Variants in KRT10 observed in about 807,000 individuals in gnomAD.
KRT10 encodes keratin 10, also known as keratin, type I cytoskeletal 10.
Under a neutral mutation model 59.2 loss-of-function variants are expected in KRT10, and 40 were observed. That is an observed-to-expected ratio of 0.68 (90% CI 0.52 to 0.88). KRT10 has a LOEUF of 0.88. Among genes scored for constraint, KRT10 ranks in the 40% least tolerant of loss-of-function variants. The pLI is 0.00. For missense variants in KRT10, 719 were observed against 749.1 expected, an observed-to-expected ratio of 0.96 and a Z score of 0.47; for synonymous variants, 336 against 310.7, an observed-to-expected ratio of 1.08 and a Z score of -0.86.
chr17:40,819,873 C>T (rs749888497), intron 5 of KRT10, 139 bp from the exon 6 acceptor site: 159 of 1,091,808 alleles, frequency 1.5e-4, no homozygotes, highest in Admixed American at 1.2e-3. Context: ...GGCACCATTT[C>T]AGTTTCAGCA....
chr17:40,818,910 TAGCCGCCGCC>T lies in KRT10; in HGVS notation c.1615_1624del (p.Gly539ThrfsTer77). 1 of 1,231,982 alleles carries T rather than the reference TAGCCGCCGCC, an allele frequency of 8.1e-7. No individual in the cohort carries two copies. Among genetic ancestry groups the T allele is most frequent in the Non-Finnish European group, 1.0e-6 (1 of 981,756 alleles). The allele number at this position is 1,231,982 out of a possible 1,614,324, so 76.3% of individuals were successfully genotyped here. A position where few individuals can be genotyped will look rare whatever the true frequency, so the allele number is the denominator to read the frequency against. On this transcript the variant is annotated frameshift_variant, in exon 7 of 8. Transcript: ENST00000269576. LOFTEE classifies it high-confidence loss of function. ...GCCGCCGCCGGAGCTGCCGCCCCCG[TAGCCGCCGCC>T]GCCGCCGCCGGAACTGCCACCACCG...
chr17:40,820,232 T>C, intron 4 of KRT10, 30 bp downstream of exon 4: 3 of 1,613,812 alleles, frequency 1.9e-6, no homozygotes, highest in Non-Finnish European at 2.5e-6. Context: ...AAAACCTCCA[T>C]GAGTTTCACT....
rs766282533 is a variant in KRT10, at chr17:40,818,891, G to A, written c.1644C>T (p.Gly548=). 2.7e-6 allele frequency: 4 copies of A among 1,486,088 alleles called. No individual in the cohort carries two copies. The highest frequency in any genetic ancestry group is 5.5e-5 in the East Asian group (2 of 36,416). 92.1% of individuals were successfully genotyped at this position (1,486,088 alleles called of 1,614,324 possible). ...GGGGYGGGSS[G]GGSSSGGGYG... ...ATCCGCCGCCGGAGCTGCTGCCGCC[G>A]CCGGAGCTGCCGCCCCCGTAGCCGC... The change falls in exon 7 of 8, where the codon GGC becomes GGT. Residue 548 remains glycine, a synonymous_variant. Coordinates refer to ENST00000269576, the MANE Select transcript of KRT10 (RefSeq NM_000421.5).
Position 40,819,611 on chromosome 17 carries a change from A to C in KRT10, c.1279T>G (p.Cys427Gly), listed in dbSNP as rs746054540. Reference sequence around the variant, plus strand: ...AGTTGTTGGTATTCAGTATTCTGGCACTCGGTTTCAGCTCGAATCTGTTGC... The same window carrying C: ...AGTTGTTGGTATTCAGTATTCTGGCCCTCGGTTTCAGCTCGAATCTGTTGC... ...QLQQIRAETE[C>G]QNTEYQQLLD... The change falls in exon 6 of 8, where the codon TGC (cysteine) becomes GGC (glycine). Residue 427 changes from cysteine (C) to glycine (G), a missense_variant. Transcript: ENST00000269576. 64 of 1,614,036 alleles carry C rather than the reference A, an allele frequency of 4.0e-5. 1 individual carries two copies. In the South Asian group the frequency reaches 6.7e-4, roughly 17 times the overall value.
rs1905435357 is a variant in KRT10 at position 40,822,166 on chromosome 17, G to A, written c.420C>T (p.Gly140=). 3 of 1,613,678 alleles carry A rather than the reference G, an allele frequency of 1.9e-6. No homozygotes were observed. Among genetic ancestry groups the A allele is most frequent in the South Asian group, 2.2e-5 (2 of 91,058 alleles). The change falls in exon 1 of 8, where the codon GGC becomes GGT. Residue 140 remains glycine, a synonymous_variant. Coordinates refer to ENST00000269576, the MANE Select transcript of KRT10 (RefSeq NM_000421.5). ...GFGGGFGGDG[G]LLSGNEKVTM... ...TTACTTTTTCATTTCCAGAGAGAAG[G>A]CCACCATCTCCTCCAAATCCACCAC...
chr17:40,818,401 G>C lies in KRT10; in HGVS notation c.*75C>G, dbSNP rs1905145523. The C allele has an allele frequency of 6.2e-7, 1 of 1,605,894 alleles. No homozygotes were observed. The highest frequency in any genetic ancestry group is 1.3e-5 in the African/African-American group (1 of 74,754). ...TTAATAGTAGTGTTTCTTGGTTTCT[G>C]ATTCAACCATAGATGAAAGAACTCT... On this transcript the variant is annotated 3_prime_UTR_variant, in exon 8 of 8. Coordinates refer to ENST00000269576, the MANE Select transcript of KRT10 (RefSeq NM_000421.5).
rs1387953169 is a variant in KRT10, at chr17:40,818,817, G to A, written c.1718C>T (p.Ser573Phe). 1 of 1,437,936 alleles carries A rather than the reference G, an allele frequency of 7.0e-7. No individual in the cohort carries two copies. The highest frequency in any genetic ancestry group is 1.8e-5 in the African/African-American group (1 of 55,616). The allele number at this position is 1,437,936 out of a possible 1,614,324, so 89.1% of individuals were successfully genotyped here. Residue 573 changes from serine to phenylalanine, a missense_variant, in exon 7 of 8, where the codon TCC becomes TTC. Coordinates refer to ENST00000269576, the MANE Select transcript of KRT10 (RefSeq NM_000421.5). The stretch of plus-strand genomic sequence containing the variant: ...TCCCTTAGATGAAGACTCGCCCACG[G>A]ACCCGGAAGAGGAGGACTTGTGGCC... ...SGGHKSSSSG[S>F]VGESSSKGPR...
intron 6 of KRT10, 39 bp from the exon 7 acceptor site, chr17:40,819,200 T>TTC: frequency 1.3e-6 from 2 of 1,594,688 alleles, no homozygotes; most frequent in Non-Finnish European, 8.5e-7. Flanking sequence ...TCTCTAACGT[T>TTC]GGAAAACGGT....
Position 40,819,107 on chromosome 17 carries a change from T to TCCGCCGCCGTAG in KRT10, c.1416_1427dup (p.Tyr473_Gly476dup), listed in dbSNP as rs746128596. On this transcript the variant is annotated inframe_insertion, in exon 7 of 8. Coordinates refer to ENST00000269576, the MANE Select transcript of KRT10 (RefSeq NM_000421.5). ...CGCCGGAGCTTCCGCCGCCGGAGCT[T>TCCGCCGCCGTAG]CCGCCGCCGTAGCCGCCGCCGAAAC... is the stretch of plus-strand genomic sequence containing the variant. The TCCGCCGCCGTAG allele has an allele frequency of 1.4e-6, 2 of 1,461,508 alleles. No homozygotes were observed. Among genetic ancestry groups the TCCGCCGCCGTAG allele is most frequent in the Non-Finnish European group, 1.8e-6 (2 of 1,111,176 alleles). The allele number at this position is 1,461,508 out of a possible 1,614,324, so 90.5% of individuals were successfully genotyped here. A position where few individuals can be genotyped will look rare whatever the true frequency, so the allele number is the denominator to read the frequency against.
In KRT10 at chr17:40,821,062, C is replaced by T; in HGVS notation, c.683G>A (p.Arg228Lys). ...ANILLQIDNA[R>K]LAADDFRLKY... ...CAGCCTGAAGTCATCAGCTGCCAGC[C>T]TGGCATTGTCGATCTGAAGCAGGAT... The change falls in exon 2 of 8, where the codon AGG becomes AAG. Residue 228 changes from arginine to lysine, a missense_variant. Physicochemically the swap from Arg to Lys is conservative, Grantham distance 26. Transcript: ENST00000269576. 1 of 1,614,008 alleles carries T rather than the reference C, an allele frequency of 6.2e-7. No homozygotes were observed. Among genetic ancestry groups the T allele is most frequent in the South Asian group, 1.1e-5 (1 of 91,060 alleles).
In KRT10 at chr17:40,822,279, C is replaced by T; in HGVS notation, c.307G>A (p.Gly103Arg). The T allele has an allele frequency of 6.2e-7, 1 of 1,600,072 alleles. No homozygotes were observed. The highest frequency in any genetic ancestry group is 8.5e-7 in the Non-Finnish European group (1 of 1,170,302). ...CTGCCACCTCCGAAACTGCCCCCTC[C>T]AAAGATGCCTCCATAACTCCCACCA... is the stretch of plus-strand genomic sequence containing the variant. Reference protein sequence around the residue: ...SFGGSYGGIFGGGSFGGGSFG... With the variant: ...SFGGSYGGIFRGGSFGGGSFG... The change falls in exon 1 of 8, where the codon GGA (glycine) becomes AGA (arginine). Residue 103 changes from glycine to arginine, a missense_variant. Physicochemically the swap from Gly to Arg is moderately radical, Grantham distance 125. Coordinates refer to ENST00000269576, the MANE Select transcript of KRT10 (RefSeq NM_000421.5).
At chr17:40,821,212 T>G (rs1476217630) in intron 1 of KRT10, 95 bp from the exon 2 acceptor site, 21 of 917,100 alleles carry the variant, frequency 2.3e-5, no homozygotes, top group Non-Finnish European at 1.4e-5. Flanking sequence ...TGTTGTTCTC[T>G]TACAAAATCT....
At position 40,819,045 on chromosome 17, in the gene KRT10, C is replaced by T; in HGVS notation, c.1490G>A (p.Gly497Asp). The T allele has an allele frequency of 7.4e-7, 1 of 1,350,652 alleles. No homozygotes were observed. Among genetic ancestry groups the T allele is most frequent in the South Asian group, 1.5e-5 (1 of 66,786 alleles). 83.7% of individuals were successfully genotyped at this position (1,350,652 alleles called of 1,614,324 possible). The change falls in exon 7 of 8, where the codon GGC becomes GAC. Residue 497 changes from glycine to aspartate, a missense_variant. This residue lies in a region of KRT10 where 315 missense variants were observed against 270.6 expected (regional missense o/e 1.16). Transcript: ENST00000269576. ...GCCGGAGCTTCCGCCTCCGTAGCCG[C>T]CGCCGGAACTGCCGCCGTGGCCGCC... is the stretch of plus-strand genomic sequence containing the variant. The part of the protein sequence containing the change: ...HGGGHGGSSG[G>D]GYGGGSSGGG...
Position 40,818,970 on chromosome 17 carries a change from T to A in KRT10, c.1565A>T (p.His522Leu). ...GYGGGSSSGG[H>L]GGSSSGGYGG... ...GTAGCCGCCGCTGGAACTGCCGCCGTGGCCGCCGCTGGAGCTTCCGCCCCC... is the reference window on the plus strand; with the variant it reads ...GTAGCCGCCGCTGGAACTGCCGCCGAGGCCGCCGCTGGAGCTTCCGCCCCC... Residue 522 changes from histidine (H) to leucine (L), a missense_variant, in exon 7 of 8, where the codon CAC (histidine) becomes CTC (leucine). By Grantham distance (99) the His-to-Leu change is moderately conservative (BLOSUM62 -3). Transcript: ENST00000269576. 1.5e-6 allele frequency: 2 copies of A among 1,340,648 alleles called. No individual in the cohort carries two copies. Among genetic ancestry groups the A allele is most frequent in the Non-Finnish European group, 1.9e-6 (2 of 1,051,262 alleles). The allele number at this position is 1,340,648 out of a possible 1,614,324, so 83.0% of individuals were successfully genotyped here. A position where few individuals can be genotyped will look rare whatever the true frequency, so the allele number is the denominator to read the frequency against.
chr17:40,822,157 A>T lies in KRT10; in HGVS notation c.429T>A (p.Ser143=). ...GGFGGDGGLL[S]GNEKVTMQNL... ...TCTGCATGGTTACTTTTTCATTTCCAGAGAGAAGGCCACCATCTCCTCCAA... is the reference window on the plus strand; with the variant it reads ...TCTGCATGGTTACTTTTTCATTTCCTGAGAGAAGGCCACCATCTCCTCCAA... Residue 143 remains serine, a synonymous_variant, in exon 1 of 8, where the codon TCT becomes TCA. Coordinates refer to ENST00000269576, the MANE Select transcript of KRT10 (RefSeq NM_000421.5). 6.2e-7 allele frequency: 1 copy of T among 1,613,966 alleles called. No individual in the cohort carries two copies. The highest frequency in any genetic ancestry group is 8.5e-7 in the Non-Finnish European group (1 of 1,179,988).
At chr17:40,818,724 C>A (rs1314618613) in intron 7 of KRT10, 63 bp downstream of exon 7, 12 of 1,598,348 alleles carry the variant, frequency 7.5e-6, no homozygotes, top group South Asian at 1.1e-5. Context: ...GAGCTTAAAG[C>A]GCAAAAAAAC....
intron 4 of KRT10, 38 bp from the exon 5 acceptor site, chr17:40,820,212 C>T (rs779327074): frequency 6.2e-7 from 1 of 1,614,154 alleles, no homozygotes. Flanking sequence ...TGAGGAAATT[C>T]TGAAATGATA....
At chr17:40,819,955 C>CAAG in intron 5 of KRT10, 94 bp downstream of exon 5, 5 of 1,471,804 alleles carry the variant, frequency 3.4e-6, no homozygotes, top group Non-Finnish European at 4.7e-6. Context: ...TTTCTTACCT[C>CAAG]CAACTCTGCA....
rs752869217 is a variant in KRT10, at chr17:40,820,551, A to C, written c.827T>G (p.Leu276Arg). 2 of 1,614,222 alleles carry C rather than the reference A, an allele frequency of 1.2e-6. No homozygotes were observed. The highest frequency in any genetic ancestry group is 2.2e-5 in the South Asian group (2 of 91,084). ...KADLEMQIES[L>R]TEELAYLKKN... Reference sequence around the variant, plus strand: ...CTTCAGATAGGCCAGCTCTTCAGTCAGGCTCTCAATTTGCATCTCCAGGTC... The same window carrying C: ...CTTCAGATAGGCCAGCTCTTCAGTCCGGCTCTCAATTTGCATCTCCAGGTC... The change falls in exon 3 of 8, where the codon CTG becomes CGG. Residue 276 changes from leucine (L) to arginine (R), a missense_variant. Physicochemically the swap from Leu to Arg is moderately radical, Grantham distance 102. This residue lies in a region of KRT10 where 221 missense variants were observed against 277.8 expected (regional missense o/e 0.80). Coordinates refer to ENST00000269576, the MANE Select transcript of KRT10 (RefSeq NM_000421.5).
Sources: allele counts gnomAD v4.1 joint callset, GRCh38; gene constraint gnomAD v4.1.1; regional missense constraint gnomAD v4.1.1; transcripts MANE v1.5; gene names NCBI Gene and HGNC (gene_info 2026-07-23, HGNC 2026-07-21).